ANO4: variants seen among roughly 807,000 people sequenced by gnomAD.
ANO4 encodes anoctamin 4.
In ANO4, 69 loss-of-function variants were observed where a neutral mutation model predicts 141.9. The observed-to-expected ratio is 0.49, with a 90% CI of 0.40 to 0.59. The LOEUF is 0.59. Ranked by LOEUF, ANO4 falls within the 20% of genes least tolerant of loss-of-function variation. The pLI is 0.00. For missense variants in ANO4, 894 were observed against 1,162.2 expected (o/e 0.77, Z 3.36); for synonymous variants, 350 against 394.3 (o/e 0.89, Z 1.33).
At chr12:100,730,837 T>A (rs1238857448) in intron 1 of ANO4, among the ~76,000 whole-genome samples, 2 of 152,196 alleles carry the variant, frequency 1.3e-5, no homozygotes, top group Non-Finnish European at 2.9e-5. Flanking sequence ...AAAATAGTTT[T>A]AAAAATATTT....
intron 5 of ANO4, among the ~76,000 whole-genome samples, chr12:100,958,011 A>AT (rs2043245435): frequency 1.3e-5 from 2 of 152,160 alleles, no homozygotes; most frequent in South Asian, 4.1e-4. Flanking sequence ...AGCCACAACC[A>AT]TTTTTTTAAA....
At position 100,725,507 on chromosome 12, in the gene ANO4, C is replaced by T. The variant is rs539897936; in HGVS notation, c.22+7960C>T. On this transcript the variant is annotated intron_variant, in intron 1 of 29. Transcript: ENST00000644049. ...GACTACAGGCGCCCACCACCACGCC[C>T]GGCTAATTTTTTGTATTTTTGGTAG... Among the ~76,000 whole-genome samples, 480 of 152,110 alleles carry T rather than the reference C, an allele frequency of 3.2e-3. 1 individual carries two copies. The highest frequency in any genetic ancestry group is 5.5e-3 in the Non-Finnish European group (371 of 67,988).
At chr12:100,720,259 T>A (rs1489756978) in intron 1 of ANO4, among the ~76,000 whole-genome samples, 1 of 151,946 alleles carries the variant, frequency 6.6e-6, no homozygotes, top group East Asian at 1.9e-4. Flanking sequence ...TGATGAGGCT[T>A]AATAAGGAGC....
rs188099017 is a variant in ANO4, at chr12:100,912,487, T to A, written c.56-9739T>A. On this transcript the variant is annotated intron_variant, in intron 2 of 27. Coordinates refer to ENST00000392977, the MANE Select transcript of ANO4 (RefSeq NM_001286615.2). ...AGACAGAGGTGGCAGTGAGCTGAGA[T>A]TGTGCCACTGCACTCCAGCCTGGGT... Among the ~76,000 whole-genome samples the A allele has an allele frequency of 8.0e-5, 12 of 150,318 alleles. No individual in the cohort carries two copies. The East Asian group carries it at 2.1e-3, about 27-fold the overall frequency.
chr12:101,115,136 C>T (rs1005355716), intron 24 of ANO4, among the ~76,000 whole-genome samples: 7 of 152,140 alleles, frequency 4.6e-5, no homozygotes, highest in African/African-American at 1.7e-4. Context: ...TCAGTAATTA[C>T]TTATTGACCC....
chr12:100,977,232 C>T (rs1192770678), intron 7 of ANO4, among the ~76,000 whole-genome samples: 2 of 152,068 alleles, frequency 1.3e-5, no homozygotes, highest in African/African-American at 2.4e-5. Context: ...TTCTTTCTGT[C>T]GTGCTTCTGA....
intron 8 of ANO4, among the ~76,000 whole-genome samples, chr12:101,013,863 G>A (rs1259332741): frequency 6.6e-6 from 1 of 152,118 alleles, no homozygotes; most frequent in African/African-American, 2.4e-5. Context: ...TGAAGAAAGT[G>A]TAGTCTTATC....
chr12:100,803,539 T>G (rs2034821046), intron 1 of ANO4, among the ~76,000 whole-genome samples: 1 of 152,198 alleles, frequency 6.6e-6, no homozygotes, highest in African/African-American at 2.4e-5. Flanking sequence ...CAATGTTCCA[T>G]TTTACTGCAA....
intron 15 of ANO4, among the ~76,000 whole-genome samples, chr12:101,080,211 A>T (rs1343018138): frequency 6.6e-6 from 1 of 152,230 alleles, no homozygotes; most frequent in African/African-American, 2.4e-5. Context: ...AATATGAACG[A>T]TGTGAATTTT....
At chr12:100,989,508 A>G (rs2044939625) in intron 8 of ANO4, among the ~76,000 whole-genome samples, 1 of 151,748 alleles carries the variant, frequency 6.6e-6, no homozygotes, top group Non-Finnish European at 1.5e-5. Flanking sequence ...CCAATTTTGG[A>G]TGATGGATGG....
At chr12:100,977,276 C>T (rs1298479198) in intron 7 of ANO4, among the ~76,000 whole-genome samples, 2 of 152,158 alleles carry the variant, frequency 1.3e-5, no homozygotes, top group Non-Finnish European at 2.9e-5. Context: ...CTCCTTTCTT[C>T]TATCCTCTAG....
At chr12:100,894,432 A>G (rs1410156814) in intron 1 of ANO4, among the ~76,000 whole-genome samples, 1 of 151,964 alleles carries the variant, frequency 6.6e-6, no homozygotes, top group Non-Finnish European at 1.5e-5. Flanking sequence ...ACTCTCAGAA[A>G]TGCACCTACT....
rs529587431 is a variant in ANO4, at chr12:100,951,906, C to T, written c.456+9371C>T. Among the ~76,000 whole-genome samples the T allele has an allele frequency of 3.8e-4, 58 of 152,324 alleles. 2 individuals are homozygous for T. In the South Asian group the frequency reaches 9.5e-3, roughly 25 times the overall value. ...CTTTACAGGATATTTGGCAGCATCTCTAGCCTCTACCCACTAGATGCCAGT... is the reference window on the plus strand; with the variant it reads ...CTTTACAGGATATTTGGCAGCATCTTTAGCCTCTACCCACTAGATGCCAGT... On this transcript the variant is annotated intron_variant, in intron 5 of 27. Coordinates refer to ENST00000392977, the MANE Select transcript of ANO4 (RefSeq NM_001286615.2).
chr12:101,081,088 G>T (rs535715615), intron 15 of ANO4, among the ~76,000 whole-genome samples: 1 of 151,040 alleles, frequency 6.6e-6, no homozygotes, highest in African/African-American at 2.4e-5. Flanking sequence ...TTCCCAGGCT[G>T]ACTATGACAT....
At chr12:100,849,296 GTATGTATTTTCA>G (rs879807082) in intron 1 of ANO4, among the ~76,000 whole-genome samples, 2 of 152,280 alleles carry the variant, frequency 1.3e-5, no homozygotes, top group Admixed American at 1.3e-4. Context: ...AAATTGTTCT[GTATGTATTTTCA>G]AGTGTTTTAT....
rs555578918 is a variant in ANO4, at chr12:100,763,742, C to T, written c.358+23637C>T. ...TTCATGAATTGACCTTGAATTTTGC[C>T]ACCACTTATAACCCCATTTCTCCCA... On this transcript the variant is annotated intron_variant, in intron 3 of 29. Coordinates refer to the ANO4 transcript ENST00000644049. 3.3e-5 allele frequency among the ~76,000 whole-genome samples: 5 copies of T among 152,294 alleles called. No individual in the cohort carries two copies. In the East Asian group the frequency reaches 9.7e-4, roughly 29 times the overall value.
chr12:100,729,795 C>T (rs539580360), intron 1 of ANO4, among the ~76,000 whole-genome samples: 25 of 152,316 alleles, frequency 1.6e-4, no homozygotes, highest in Non-Finnish European at 2.8e-4. Flanking sequence ...GCAATTGCCA[C>T]GGCTCTTTGT....
At position 100,901,761 on chromosome 12, in the gene ANO4, C is replaced by T. The variant is rs764282073; in HGVS notation, c.-25C>T. ...TGCCTGTGGTCAGGCATTCCTCACT[C>T]CCACCAGGCAGAAGGTCAATAAAAA... is the stretch of plus-strand genomic sequence containing the variant. On this transcript the variant is annotated 5_prime_UTR_variant, in exon 2 of 28. Coordinates refer to ENST00000392977, the MANE Select transcript of ANO4 (RefSeq NM_001286615.2). 5 of 1,612,356 alleles carry T rather than the reference C, an allele frequency of 3.1e-6. No homozygotes were observed. Among genetic ancestry groups the T allele is most frequent in the South Asian group, 1.1e-5 (1 of 91,046 alleles).
Position 101,099,613 on chromosome 12 carries a change from G to T in ANO4, c.2042G>T (p.Arg681Leu). 1 of 1,604,056 alleles carries T rather than the reference G, an allele frequency of 6.2e-7. No homozygotes were observed. The highest frequency in any genetic ancestry group is 1.7e-4 in the Middle Eastern group (1 of 5,980). Residue 681 changes from arginine to leucine, a missense_variant, in exon 22 of 28, where the codon CGA becomes CTA. Arg to Leu is a moderately radical substitution (Grantham distance 102). Around this residue, in one of 2 missense-constraint regions of ANO4, gnomAD observed 637 missense variants for 909.2 expected, o/e 0.70. Transcript: ENST00000392977. ...AATTGGTGGACTAGAAGAAAAGTAC[G>T]ACAAGAACATGGACCTGAAAGGAAA... ...IQNWWTRRKVRQEHGPERKIS... is the reference protein window; with the variant it reads ...IQNWWTRRKVLQEHGPERKIS...
Sources: allele counts gnomAD v4.1 joint callset (sites outside exome capture counted in the v4.1 genomes callset), GRCh38; gene constraint gnomAD v4.1.1; regional missense constraint gnomAD v4.1.1; transcripts MANE v1.5; gene names NCBI Gene and HGNC (gene_info 2026-07-23, HGNC 2026-07-21).